EFCAB3: variants seen among roughly 807,000 people sequenced by gnomAD.
EFCAB3 encodes the protein EF-hand calcium-binding domain-containing protein 3.
EFCAB3 carries 36 observed loss-of-function variants against 42.2 expected under a neutral mutation model. That is an observed-to-expected ratio of 0.85 (90% confidence interval 0.65 to 1.13). EFCAB3 has a LOEUF of 1.13. EFCAB3 is among the 50% of genes most tolerant of loss of function. The pLI is 0.00. For missense variants in EFCAB3, 418 were observed against 505.1 expected (o/e 0.83, Z 1.65); for synonymous variants, 170 against 172.8 (o/e 0.98, Z 0.13).
intron 8 of EFCAB3, among the ~76,000 whole-genome samples, chr17:62,411,124 G>C (rs148919987): frequency 4.6e-5 from 7 of 152,194 alleles, no homozygotes; most frequent in African/African-American, 1.7e-4. Flanking sequence ...CCATATCCTA[G>C]GTTTGCACAG....
At chr17:62,374,188 C>T (rs534023675) in intron 2 of EFCAB3, among the ~76,000 whole-genome samples, 3 of 152,258 alleles carry the variant, frequency 2.0e-5, no homozygotes, top group African/African-American at 4.8e-5. Context: ...AGGCCGGGCA[C>T]GGTGGCTCAT....
At chr17:62,383,464 C>T (rs2070221738) in intron 2 of EFCAB3, among the ~76,000 whole-genome samples, 1 of 151,806 alleles carries the variant, frequency 6.6e-6, no homozygotes, top group Non-Finnish European at 1.5e-5. Flanking sequence ...CAGAGCAAGA[C>T]TCCATCTCAA....
intron 1 of EFCAB3, chr17:62,382,123 A>G (rs112950340): frequency 5.0e-5 from 8 of 159,182 alleles, no homozygotes; most frequent in African/African-American, 1.7e-4. Flanking sequence ...AGTCTCCCCA[A>G]AAGAAACCCT....
chr17:62,412,361 C>CAAAAAAAAAAAAAAAAA (rs1237628464), intron 8 of EFCAB3, among the ~76,000 whole-genome samples: 1 of 65,960 alleles, frequency 1.5e-5, no homozygotes, highest in African/African-American at 4.9e-5. Context: ...GACTCTGTCT[C>CAAAAAAAAAAAAAAAAA]AAAAAAAAAA....
chr17:62,404,800 AAATAATAAT>A (rs143877290), intron 6 of EFCAB3, among the ~76,000 whole-genome samples: 1 of 151,778 alleles, frequency 6.6e-6, no homozygotes, highest in Non-Finnish European at 1.5e-5. Context: ...CCATCTCAAA[AAATAATAAT>A]AATAATAATA....
Position 62,407,118 on chromosome 17 carries a change from T to TC in EFCAB3, c.774dup (p.Lys259GlnfsTer19), listed in dbSNP as rs773137749. ...GATGGGGTGGTGATGGGAAAGCCAT[T>TC]CAAAGACATGCAGAAATTAGAGATG... is the stretch of plus-strand genomic sequence containing the variant. On this transcript the variant is annotated frameshift_variant, in exon 8 of 10. Coordinates refer to ENST00000305286, the MANE Select transcript of EFCAB3 (RefSeq NM_173503.4). LOFTEE classifies it high-confidence loss of function. 6.2e-7 allele frequency: 1 copy of TC among 1,613,370 alleles called. No individual in the cohort carries two copies. Among genetic ancestry groups the TC allele is most frequent in the Non-Finnish European group, 8.5e-7 (1 of 1,179,686 alleles).
rs145183403 is a variant in EFCAB3, at chr17:62,406,105, G to A, written c.489-375G>A. Among the ~76,000 whole-genome samples the A allele has an allele frequency of 6.8e-4, 103 of 151,332 alleles. No individual in the cohort carries two copies. The East Asian group carries it at 8.5e-3, about 12-fold the overall frequency. Reference sequence around the variant, plus strand: ...AGGTCAGAGCTGGACATGATAGCAGGTACCTATAGTCCCAGCTACTCAGGA... The same window carrying A: ...AGGTCAGAGCTGGACATGATAGCAGATACCTATAGTCCCAGCTACTCAGGA... On this transcript the variant is annotated intron_variant, in intron 6 of 9. Coordinates refer to ENST00000305286, the MANE Select transcript of EFCAB3 (RefSeq NM_173503.4).
chr17:62,383,236 G>C (rs1252552534), intron 2 of EFCAB3, 183 bp downstream of exon 2: 7 of 511,128 alleles, frequency 1.4e-5, no homozygotes, highest in Non-Finnish European at 2.4e-5. Context: ...AGCACTTTGG[G>C]AGGCCGAGGT....
intron 9 of EFCAB3, among the ~76,000 whole-genome samples, chr17:62,415,039 G>C (rs371418716): frequency 6.6e-6 from 1 of 152,038 alleles, no homozygotes; most frequent in East Asian, 1.9e-4. Context: ...AGGAGGCAGA[G>C]GTTGTGATGA....
intron 2 of EFCAB3, among the ~76,000 whole-genome samples, chr17:62,385,716 C>CTTT (rs35067521): frequency 1.2e-4 from 9 of 77,548 alleles, no homozygotes; most frequent in East Asian, 9.3e-4. Flanking sequence ...TCTAGTTTTA[C>CTTT]TTTTTTTTTT....
chr17:62,381,073 G>A (rs2070192913), intron 1 of EFCAB3, among the ~76,000 whole-genome samples: 1 of 152,000 alleles, frequency 6.6e-6, no homozygotes, highest in Non-Finnish European at 1.5e-5. Context: ...ACGTATACAT[G>A]TGCCATGTTG....
At position 62,407,143 on chromosome 17, in the gene EFCAB3, G is replaced by A. The variant is rs754350528; in HGVS notation, c.798G>A (p.Met266Ile). The A allele has an allele frequency of 8.7e-6, 14 of 1,612,672 alleles. No homozygotes were observed. Among genetic ancestry groups the A allele is most frequent in the South Asian group, 2.2e-5 (2 of 90,758 alleles). ...TCAAAGACATGCAGAAATTAGAGAT[G>A]CTAAGAATAAAGGAGCCTTTGCATT... Reference protein sequence around the residue: ...KPFKDMQKLEMLRIKEPLHFF... With the variant: ...KPFKDMQKLEILRIKEPLHFF... The change falls in exon 8 of 10, where the codon ATG (methionine) becomes ATA (isoleucine). Residue 266 changes from methionine to isoleucine, a missense_variant. Physicochemically the swap from Met to Ile is conservative, Grantham distance 10. Transcript: ENST00000305286.
chr17:62,376,708 C>T (rs936674016), upstream of EFCAB3, among the ~76,000 whole-genome samples: 3 of 152,042 alleles, frequency 2.0e-5, no homozygotes, highest in Admixed American at 2.0e-4. Context: ...GCTACCTAAG[C>T]GTGATAACGT....
chr17:62,403,970 CT>C (rs1277338308), intron 6 of EFCAB3, among the ~76,000 whole-genome samples: 1 of 152,188 alleles, frequency 6.6e-6, no homozygotes, highest in Non-Finnish European at 1.5e-5. Context: ...GTAACTTCCC[CT>C]CTCACACCCT....
intron 8 of EFCAB3, among the ~76,000 whole-genome samples, chr17:62,412,538 C>T (rs189800401): frequency 4.3e-4 from 65 of 152,046 alleles, no homozygotes; most frequent in African/African-American, 1.5e-3. Flanking sequence ...GATATCAGCT[C>T]ACTACAACCT....
chr17:62,396,901 AT>A (rs1031486025), intron 6 of EFCAB3, among the ~76,000 whole-genome samples: 4 of 152,192 alleles, frequency 2.6e-5, no homozygotes, highest in African/African-American at 4.8e-5. Context: ...TAAAAATAAA[AT>A]TTTTTTAAAA....
In EFCAB3 at chr17:62,395,138, GCTTCTAGAGA is replaced by G. The variant is rs758612602; in HGVS notation, c.443_452del (p.Leu148GlnfsTer8). 5 of 1,614,028 alleles carry G rather than the reference GCTTCTAGAGA, an allele frequency of 3.1e-6. No homozygotes were observed. In the East Asian group the frequency reaches 8.9e-5, roughly 29 times the overall value. ...TCCTATTGTTTGAAATCCTATCAAG[GCTTCTAGAGA>G]CTTCAGCCCTACCCAGAAAGTCTAT... On this transcript the variant is annotated frameshift_variant, in exon 6 of 10. Transcript: ENST00000305286. LOFTEE classifies it high-confidence loss of function.
At chr17:62,379,871 G>C (rs904970738), upstream of EFCAB3, among the ~76,000 whole-genome samples, 2 of 152,178 alleles carry the variant, frequency 1.3e-5, no homozygotes, top group South Asian at 2.1e-4. Flanking sequence ...TAATACTAAA[G>C]ACAGCCTATG....
At chr17:62,398,963 A>G (rs1392017322) in intron 6 of EFCAB3, among the ~76,000 whole-genome samples, 1 of 152,138 alleles carries the variant, frequency 6.6e-6, no homozygotes, top group Non-Finnish European at 1.5e-5. Flanking sequence ...AGCACTTTAC[A>G]TACATCAGTT....
Sources: gnomAD v4.1 joint callset for allele counts (sites outside exome capture counted in the v4.1 genomes callset) on GRCh38, gnomAD v4.1.1 for gene constraint, MANE v1.5 for transcripts, NCBI Gene and HGNC (gene_info 2026-07-23, HGNC 2026-07-21) for gene names.